Variants in PDE4B observed in about 807,000 individuals in gnomAD.
The protein encoded by PDE4B is 3',5'-cyclic-AMP phosphodiesterase 4B.
PDE4B carries 20 observed loss-of-function variants against 82.2 expected under a neutral mutation model. The observed-to-expected ratio is 0.24, with a 90% CI of 0.17 to 0.35. PDE4B has a LOEUF of 0.35. Among genes scored for constraint, PDE4B ranks in the 10% least tolerant of loss-of-function variants. The pLI is 1.00. For synonymous variants in PDE4B, 320 were observed against 318.9 expected (o/e 1.00, Z -0.04); for missense variants, 655 against 907.2 (o/e 0.72, Z 3.57).
intron 3 of PDE4B, among the ~76,000 whole-genome samples, chr1:66,109,511 A>G (rs1006116337): frequency 6.6e-6 from 1 of 151,872 alleles, no homozygotes; most frequent in Non-Finnish European, 1.5e-5. Context: ...TTTTAAGCAC[A>G]TTATAGATAT....
chr1:66,228,970 T>C (rs562228010), intron 3 of PDE4B, among the ~76,000 whole-genome samples: 3 of 142,744 alleles, frequency 2.1e-5, no homozygotes, highest in Admixed American at 1.5e-4. Flanking sequence ...AATGGCAATT[T>C]CATAAGGTCT....
In PDE4B at chr1:65,970,857, C is replaced by G. The variant is rs1040244690; in HGVS notation, c.281+52022C>G. On this transcript the variant is annotated intron_variant, in intron 3 of 16. Transcript: ENST00000341517. ...TGTGAAAAAATGTGCACCTGGAGGA[C>G]TCCATACATGAGGTGTGCGGTGCAG... Among the ~76,000 whole-genome samples, 7 of 151,892 alleles carry G rather than the reference C, an allele frequency of 4.6e-5. No individual in the cohort carries two copies. In the South Asian group the frequency reaches 6.2e-4, roughly 14 times the overall value.
chr1:65,890,398 A>C (rs991847465), intron 1 of PDE4B, among the ~76,000 whole-genome samples: 1 of 152,076 alleles, frequency 6.6e-6, no homozygotes, highest in African/African-American at 2.4e-5. Flanking sequence ...TCTGGAGATT[A>C]ATCAGTGGAT....
intron 1 of PDE4B, among the ~76,000 whole-genome samples, chr1:65,893,390 A>G (rs1201340592): frequency 6.6e-6 from 1 of 152,104 alleles, no homozygotes; most frequent in African/African-American, 2.4e-5. Context: ...CAACATCACT[A>G]ATCATCAGCG....
chr1:66,206,920 C>T (rs1201448888), intron 3 of PDE4B, among the ~76,000 whole-genome samples: 1 of 152,130 alleles, frequency 6.6e-6, no homozygotes, highest in African/African-American at 2.4e-5. Context: ...GCATTACAGC[C>T]CAGCTTATCA....
At chr1:66,199,778 A>T (rs1648711653) in intron 3 of PDE4B, among the ~76,000 whole-genome samples, 1 of 152,202 alleles carries the variant, frequency 6.6e-6, no homozygotes, top group Non-Finnish European at 1.5e-5. Context: ...CCTATTTGGT[A>T]ATTTCAAGAG....
At chr1:65,866,230 A>T (rs570716891) in intron 1 of PDE4B, among the ~76,000 whole-genome samples, 1 of 152,250 alleles carries the variant, frequency 6.6e-6, no homozygotes, top group East Asian at 1.9e-4. Context: ...GATGCAAATA[A>T]TTGTATTTAT....
At chr1:66,017,752 A>G (rs1358490144) in intron 3 of PDE4B, among the ~76,000 whole-genome samples, 1 of 152,202 alleles carries the variant, frequency 6.6e-6, no homozygotes, top group Non-Finnish European at 1.5e-5. Context: ...GCTGAGAGCA[A>G]CTAGTGATTA....
intron 3 of PDE4B, among the ~76,000 whole-genome samples, chr1:66,086,970 G>A (rs879376637): frequency 1.3e-5 from 2 of 152,146 alleles, no homozygotes; most frequent in Non-Finnish European, 2.9e-5. Context: ...GAAGAGAAAG[G>A]TGCTTATGCC....
At chr1:66,090,061 C>T (rs1644980828) in intron 3 of PDE4B, among the ~76,000 whole-genome samples, 1 of 152,000 alleles carries the variant, frequency 6.6e-6, no homozygotes, top group Admixed American at 6.6e-5. Flanking sequence ...AATTACATCT[C>T]ATAATTTCAT....
At chr1:66,290,504 G>A (rs1656994866) in intron 7 of PDE4B, among the ~76,000 whole-genome samples, 1 of 152,142 alleles carries the variant, frequency 6.6e-6, no homozygotes, top group Non-Finnish European at 1.5e-5. Context: ...GAGAAGCTAG[G>A]ACACAGTTGG....
At position 66,247,452 on chromosome 1, in the gene PDE4B, T is replaced by C. The variant is rs1368166502; in HGVS notation, c.282-8T>C. ...CATGTGACCAGAGTTTCCCACTTTC[T>C]CTTTAAGCTTTGATGTGGAAAATGG... On this transcript the variant is annotated splice_polypyrimidine_tract_variant and splice_region_variant and intron_variant, in intron 3 of 16. Coordinates refer to ENST00000341517, the MANE Select transcript of PDE4B (RefSeq NM_002600.4). The C allele has an allele frequency of 1.3e-6, 2 of 1,549,208 alleles. No individual in the cohort carries two copies. The highest frequency in any genetic ancestry group is 1.7e-6 in the Non-Finnish European group (2 of 1,149,352).
chr1:65,972,375 G>A (rs1650190541), intron 3 of PDE4B, among the ~76,000 whole-genome samples: 1 of 151,944 alleles, frequency 6.6e-6, no homozygotes, highest in Admixed American at 6.6e-5. Flanking sequence ...TTGGGATTAT[G>A]CATTTGTTAG....
chr1:65,916,851 A>G (rs572785744), intron 2 of PDE4B, among the ~76,000 whole-genome samples: 13 of 152,350 alleles, frequency 8.5e-5, no homozygotes, highest in Admixed American at 2.0e-4. Flanking sequence ...AAACACTGAT[A>G]CATTCCAGAA....
chr1:65,840,112 T>G (rs1180334300), intron 1 of PDE4B, among the ~76,000 whole-genome samples: 2 of 152,190 alleles, frequency 1.3e-5, no homozygotes, highest in African/African-American at 4.8e-5. Flanking sequence ...AAAACTATAT[T>G]GTGGCATCTA....
intron 7 of PDE4B, among the ~76,000 whole-genome samples, chr1:66,327,305 A>G (rs1659809321): frequency 6.6e-6 from 1 of 152,238 alleles, no homozygotes; most frequent in East Asian, 1.9e-4. Context: ...TGAAAATAAG[A>G]ATGTTGCTCA....
At chr1:66,105,474 G>A (rs1427353042) in intron 3 of PDE4B, among the ~76,000 whole-genome samples, 9 of 152,034 alleles carry the variant, frequency 5.9e-5, no homozygotes, top group Admixed American at 1.3e-4. Context: ...CAATTCTGTG[G>A]AGAAAGTCAT....
intron 4 of PDE4B, among the ~76,000 whole-genome samples, chr1:66,252,722 G>A (rs1653883977): frequency 6.6e-6 from 1 of 152,188 alleles, no homozygotes; most frequent in Non-Finnish European, 1.5e-5. Flanking sequence ...AAGGTGGGTG[G>A]ATCGCTTGAG....
chr1:65,845,750 G>A (rs1213267783), intron 1 of PDE4B, among the ~76,000 whole-genome samples: 1 of 152,152 alleles, frequency 6.6e-6, no homozygotes, highest in Non-Finnish European at 1.5e-5. Flanking sequence ...CGGGGTGTCA[G>A]CTTTACCCCT....
Sources: allele counts gnomAD v4.1 joint callset (sites outside exome capture counted in the v4.1 genomes callset), GRCh38; gene constraint gnomAD v4.1.1; transcripts MANE v1.5; gene names NCBI Gene and HGNC (gene_info 2026-07-23, HGNC 2026-07-21).